TCF12: variants seen among roughly 807,000 people sequenced by gnomAD.
TCF12 encodes transcription factor 12, also known as DNA-binding protein HTF4.
A neutral mutation model predicts 86.0 loss-of-function variants in TCF12; 45 were observed. The ratio of observed to expected loss-of-function variants is 0.52; its 90% confidence interval spans 0.41 to 0.67. The LOEUF (loss-of-function observed/expected upper bound fraction) is 0.67. TCF12 is among the 30% of genes least tolerant of loss of function. TCF12 has a pLI of 0.00. For missense variants in TCF12, 881 were observed against 859.9 expected (o/e 1.02, Z -0.31); for synonymous variants, 330 against 299.6 (o/e 1.10, Z -1.05).
intron 3 of TCF12, among the ~76,000 whole-genome samples, chr15:56,932,531 C>A (rs1475569736): frequency 6.6e-6 from 1 of 151,984 alleles, no homozygotes; most frequent in Non-Finnish European, 1.5e-5. Flanking sequence ...TGTTGATATT[C>A]TCCAAAAGTG....
intron 5 of TCF12, among the ~76,000 whole-genome samples, chr15:57,130,366 G>T (rs1319492350): frequency 4.6e-5 from 7 of 152,114 alleles, no homozygotes; most frequent in African/African-American, 1.4e-4. Flanking sequence ...GTGGATTTTA[G>T]AGAGGCAGCA....
intron 6 of TCF12, among the ~76,000 whole-genome samples, chr15:57,173,798 C>G (rs2055705590): frequency 6.6e-6 from 1 of 151,790 alleles, no homozygotes; most frequent in South Asian, 2.1e-4. Flanking sequence ...TCCTCCGCCT[C>G]CCAGGTTCGA....
Position 57,253,386 on chromosome 15 carries a change from C to G in TCF12, c.1385C>G (p.Pro462Arg). ...GHSDIHSLLG[P>R]SHNAPIGSLN... ...AGTGATATACATAGTTTATTGGGAC[C>G]ATCCCATAATGCACCAATTGGAAGC... Residue 462 changes from proline (P) to arginine (R), a missense_variant, in exon 16 of 21, where the codon CCA becomes CGA. Physicochemically the swap from Pro to Arg is moderately radical, Grantham distance 103 (BLOSUM62 -2). This residue lies in a region of TCF12 where 766 missense variants were observed against 718.9 expected (regional missense o/e 1.07). Coordinates refer to ENST00000333725, the MANE Select transcript of TCF12 (RefSeq NM_207037.2). 1 of 1,614,038 alleles carries G rather than the reference C, an allele frequency of 6.2e-7. No individual in the cohort carries two copies. Among genetic ancestry groups the G allele is most frequent in the South Asian group, 1.1e-5 (1 of 91,080 alleles).
intron 12 of TCF12, among the ~76,000 whole-genome samples, chr15:57,240,879 C>CAAAAAAAAAAAAA (rs68154303): frequency 4.7e-4 from 31 of 65,690 alleles, no homozygotes; most frequent in African/African-American, 1.7e-3. Flanking sequence ...GACCCTGTCT[C>CAAAAAAAAAAAAA]AAAAAAAAAA....
chr15:57,138,954 C>A (rs1483933755), intron 5 of TCF12, among the ~76,000 whole-genome samples: 1 of 152,102 alleles, frequency 6.6e-6, no homozygotes, highest in Non-Finnish European at 1.5e-5. Flanking sequence ...ATTAAATTAA[C>A]CAGTAGCTGA....
At chr15:56,938,641 C>CTTT (rs11071300) in intron 3 of TCF12, among the ~76,000 whole-genome samples, 2 of 127,220 alleles carry the variant, frequency 1.6e-5, no homozygotes, top group African/African-American at 2.9e-5. Flanking sequence ...TGGTCCGAGA[C>CTTT]TTTTTTTTTT....
intron 5 of TCF12, among the ~76,000 whole-genome samples, chr15:57,098,933 T>C (rs530038446): frequency 6.6e-6 from 1 of 151,884 alleles, no homozygotes; most frequent in Admixed American, 6.6e-5. Context: ...CCAAGGAGAG[T>C]GGATGTGAGA....
At chr15:57,143,045 G>C (rs2053096240) in intron 5 of TCF12, among the ~76,000 whole-genome samples, 1 of 151,612 alleles carries the variant, frequency 6.6e-6, no homozygotes, top group African/African-American at 2.4e-5. Flanking sequence ...AAGTATAAAT[G>C]CTTGAGGTGA....
chr15:57,118,068 C>T (rs1437071076), intron 5 of TCF12, among the ~76,000 whole-genome samples: 1 of 152,120 alleles, frequency 6.6e-6, no homozygotes, highest in African/African-American at 2.4e-5. Flanking sequence ...TTAATTGGCT[C>T]TGCAGTGTCT....
At chr15:56,987,330 G>C (rs1262551273) in intron 3 of TCF12, among the ~76,000 whole-genome samples, 1 of 152,134 alleles carries the variant, frequency 6.6e-6, no homozygotes, top group Admixed American at 6.5e-5. Flanking sequence ...GGCCAGGCTG[G>C]TTTCGAACTT....
chr15:57,112,259 T>G (rs1827037866), intron 5 of TCF12, among the ~76,000 whole-genome samples: 1 of 152,196 alleles, frequency 6.6e-6, no homozygotes, highest in Non-Finnish European at 1.5e-5. Context: ...CTGATCTCAC[T>G]TGAATTTTCA....
At chr15:57,213,628 C>A (rs1415612272) in intron 8 of TCF12, among the ~76,000 whole-genome samples, 1 of 152,064 alleles carries the variant, frequency 6.6e-6, no homozygotes, top group Non-Finnish European at 1.5e-5. Context: ...TATCTTGGTG[C>A]TGTTCCATTT....
chr15:56,976,975 C>G (rs1410703006), intron 3 of TCF12, among the ~76,000 whole-genome samples: 2 of 151,978 alleles, frequency 1.3e-5, no homozygotes, highest in Non-Finnish European at 2.9e-5. Flanking sequence ...TTTGCACTAG[C>G]CACATTTCAA....
intron 3 of TCF12, among the ~76,000 whole-genome samples, chr15:57,000,646 T>C (rs2063971632): frequency 6.6e-6 from 1 of 152,106 alleles, no homozygotes; most frequent in African/African-American, 2.4e-5. Flanking sequence ...CAGAAATCAA[T>C]GAAATTAAAA....
At chr15:57,271,979 C>T (rs925240110) in intron 18 of TCF12, among the ~76,000 whole-genome samples, 4 of 152,280 alleles carry the variant, frequency 2.6e-5, no homozygotes, top group Non-Finnish European at 4.4e-5. Context: ...TTCCTCCATC[C>T]CGTGGTCCTT....
intron 12 of TCF12, among the ~76,000 whole-genome samples, chr15:57,242,475 G>T (rs1354343408): frequency 1.3e-5 from 2 of 152,040 alleles, no homozygotes; most frequent in Non-Finnish European, 2.9e-5. Context: ...GATCACCTGA[G>T]GTCAACCTGA....
intron 3 of TCF12, among the ~76,000 whole-genome samples, chr15:56,978,224 AG>A (rs1331229505): frequency 6.6e-6 from 1 of 152,204 alleles, no homozygotes; most frequent in East Asian, 1.9e-4. Context: ...ATCGAGTAGT[AG>A]TAGTATGTAC....
chr15:56,940,972 G>A (rs1595772894), intron 3 of TCF12, among the ~76,000 whole-genome samples: 1 of 149,668 alleles, frequency 6.7e-6, no homozygotes, highest in South Asian at 2.1e-4. Context: ...TGTTGACCAG[G>A]CTGGTCTCAA....
intron 3 of TCF12, among the ~76,000 whole-genome samples, chr15:57,053,298 T>G (rs1353412572): frequency 6.6e-6 from 1 of 152,214 alleles, no homozygotes; most frequent in Non-Finnish European, 1.5e-5. Flanking sequence ...ATTTGTTGTC[T>G]GTTTTTAAAT....
Sources: gnomAD v4.1 joint callset for allele counts (sites outside exome capture counted in the v4.1 genomes callset) on GRCh38, gnomAD v4.1.1 for gene constraint, gnomAD v4.1.1 regional missense constraint, MANE v1.5 for transcripts, NCBI Gene and HGNC (gene_info 2026-07-23, HGNC 2026-07-21) for gene names.